Variants in TCF12 observed in about 807,000 individuals in gnomAD.
The protein encoded by TCF12 is DNA-binding protein HTF4.
A neutral mutation model predicts 86.0 loss-of-function variants in TCF12; 45 were observed. The observed-to-expected ratio is 0.52, with a 90% CI of 0.41 to 0.67. The LOEUF is 0.67. Ranked by LOEUF, TCF12 falls within the 30% of genes least tolerant of loss-of-function variation. The pLI, the probability that TCF12 is intolerant of heterozygous loss-of-function variation, is 0.00. For missense variants in TCF12, 881 were observed against 859.9 expected, an observed-to-expected ratio of 1.02 and a Z score of -0.31; for synonymous variants, 330 against 299.6, an observed-to-expected ratio of 1.10 and a Z score of -1.05.
chr15:56,976,160 T>C (rs1700654138), intron 3 of TCF12, among the ~76,000 whole-genome samples: 1 of 151,850 alleles, frequency 6.6e-6, no homozygotes, highest in South Asian at 2.1e-4. Flanking sequence ...AATTGAGCAT[T>C]CATTCTGTCT....
At chr15:57,171,725 G>T (rs2055513997) in intron 6 of TCF12, among the ~76,000 whole-genome samples, 2 of 152,096 alleles carry the variant, frequency 1.3e-5, no homozygotes, top group South Asian at 4.1e-4. Context: ...AAACTCATGT[G>T]GCAGTATTAC....
intron 3 of TCF12, among the ~76,000 whole-genome samples, chr15:57,058,831 C>T (rs2920267): frequency 0.57 from 86,547 of 151,892 alleles, 24,873 homozygotes; most frequent in Admixed American, 0.61. Context: ...AAAATACATT[C>T]ATAGATTTAT....
chr15:57,085,074 G>A (rs1454035477), intron 4 of TCF12, among the ~76,000 whole-genome samples: 1 of 152,012 alleles, frequency 6.6e-6, no homozygotes, highest in East Asian at 1.9e-4. Flanking sequence ...TCCTAGGCCA[G>A]TTCAAGACTC....
intron 18 of TCF12, among the ~76,000 whole-genome samples, chr15:57,268,578 A>G (rs972663301): frequency 6.6e-6 from 1 of 152,128 alleles, no homozygotes; most frequent in Non-Finnish European, 1.5e-5. Context: ...TTATTAGAAT[A>G]CTCAGGGTAT....
Position 56,949,429 on chromosome 15 carries a change from AACTC to A in TCF12, c.148+28333_148+28336del, listed in dbSNP as rs1475465757. 5.9e-5 allele frequency among the ~76,000 whole-genome samples: 9 copies of A among 152,360 alleles called. No individual in the cohort carries two copies. In the East Asian group the frequency reaches 1.5e-3, roughly 26 times the overall value. ...TATTATATGAAAATTATAGATGTAA[AACTC>A]AGTCTGCAAAAAGGAAAAAGGCTTG... is the stretch of plus-strand genomic sequence containing the variant. On this transcript the variant is annotated intron_variant, in intron 3 of 20. Transcript: ENST00000333725.
chr15:57,257,862 G>A (rs74016143), intron 16 of TCF12, among the ~76,000 whole-genome samples: 1,688 of 152,046 alleles, frequency 0.011, 27 homozygotes, highest in African/African-American at 0.038. Context: ...ATTTTAAAGC[G>A]CGAAATCAAG....
At chr15:57,237,740 A>G (rs1187666432) in intron 12 of TCF12, among the ~76,000 whole-genome samples, 1 of 152,248 alleles carries the variant, frequency 6.6e-6, no homozygotes, top group Admixed American at 6.5e-5. Context: ...GAAAAGAAAC[A>G]TATTCCTGAT....
At chr15:57,214,393 G>C (rs1415365705) in intron 8 of TCF12, 4 of 152,158 alleles carry the variant, frequency 2.6e-5, no homozygotes, top group Non-Finnish European at 4.4e-5. Flanking sequence ...TTCTTCTCCA[G>C]GAGGTATGGC....
chr15:57,248,203 G>A, intron 13 of TCF12: 1 of 650,866 alleles, frequency 1.5e-6, no homozygotes, highest in Non-Finnish European at 2.7e-6. Context: ...GCCTAATGCA[G>A]TTGCTTGCAA....
intron 4 of TCF12, among the ~76,000 whole-genome samples, chr15:57,064,533 G>T (rs1299446509): frequency 6.6e-6 from 1 of 152,122 alleles, no homozygotes; most frequent in African/African-American, 2.4e-5. Flanking sequence ...GGTGGCTCAT[G>T]CCTGTAATCC....
intron 12 of TCF12, among the ~76,000 whole-genome samples, chr15:57,235,837 C>A (rs1254912155): frequency 1.3e-5 from 2 of 152,044 alleles, no homozygotes; most frequent in Non-Finnish European, 2.9e-5. Context: ...TATCAGGGAA[C>A]CTTGGCCTAC....
chr15:57,094,382 G>T (rs1378695716), intron 5 of TCF12, among the ~76,000 whole-genome samples: 1 of 152,130 alleles, frequency 6.6e-6, no homozygotes, highest in African/African-American at 2.4e-5. Context: ...AGGTACCTTA[G>T]TGTAAACAAT....
chr15:57,258,970 G>A (rs545425914), intron 16 of TCF12, among the ~76,000 whole-genome samples: 36 of 152,140 alleles, frequency 2.4e-4, no homozygotes, highest in African/African-American at 7.9e-4. Flanking sequence ...TAGTAATGGG[G>A]TTTGTAATAC....
intron 5 of TCF12, among the ~76,000 whole-genome samples, chr15:57,104,376 G>A (rs1249851968): frequency 6.7e-6 from 1 of 150,286 alleles, no homozygotes; most frequent in Non-Finnish European, 1.5e-5. Flanking sequence ...AATATACTAA[G>A]CACGTTGATT....
intron 3 of TCF12, among the ~76,000 whole-genome samples, chr15:57,038,549 T>A (rs2066667169): frequency 6.6e-6 from 1 of 152,056 alleles, no homozygotes; most frequent in African/African-American, 2.4e-5. Flanking sequence ...GGCTTCAGAG[T>A]TCTAGAGGTG....
chr15:57,119,794 C>T (rs1308878169), intron 5 of TCF12, among the ~76,000 whole-genome samples: 1 of 152,082 alleles, frequency 6.6e-6, no homozygotes, highest in African/African-American at 2.4e-5. Context: ...GAATTCACCT[C>T]TTTCTCTTAA....
At chr15:57,275,327 G>GGGGTGTGTGTGTGTGTGTGTGTGTGT (rs2061328433) in intron 19 of TCF12, among the ~76,000 whole-genome samples, 3 of 64,080 alleles carry the variant, frequency 4.7e-5, no homozygotes, top group Admixed American at 1.7e-4. Context: ...GTAAGGTAGG[G>GGGGTGTGTGTGTGTGTGTGTGTGTGT]GTGTGTGTGT....
intron 3 of TCF12, among the ~76,000 whole-genome samples, chr15:56,975,056 C>T (rs1264348286): frequency 6.6e-6 from 1 of 152,050 alleles, no homozygotes; most frequent in African/African-American, 2.4e-5. Flanking sequence ...CCATCATTTT[C>T]TTTAATGAAA....
At chr15:57,234,220 C>G (rs2059289007) in intron 12 of TCF12, 113 bp downstream of exon 12, 1 of 812,228 alleles carries the variant, frequency 1.2e-6, no homozygotes, top group African/African-American at 1.7e-5. Flanking sequence ...AGATCAATTT[C>G]ATTACACATT....
Sources: gnomAD v4.1 joint callset for allele counts (sites outside exome capture counted in the v4.1 genomes callset) on GRCh38, gnomAD v4.1.1 for gene constraint, MANE v1.5 for transcripts, NCBI Gene and HGNC (gene_info 2026-07-23, HGNC 2026-07-21) for gene names.